The following PLCXD1 variants were observed in gnomAD, a reference collection of about 807,000 sequenced individuals.
PLCXD1 encodes phosphatidylinositol specific phospholipase C X domain containing 1.
A neutral mutation model predicts 37.8 loss-of-function variants in PLCXD1; 45 were observed. The ratio of observed to expected loss-of-function variants is 1.19; its 90% CI spans 0.94 to 1.53. The LOEUF is 1.53. Among genes scored for constraint, PLCXD1 ranks in the 40% most tolerant of loss-of-function variants. The pLI, the probability that PLCXD1 is intolerant of heterozygous loss-of-function variation, is 0.00. For missense variants in PLCXD1, 539 were observed against 454.7 expected, an observed-to-expected ratio of 1.19 and a Z score of -1.69; for synonymous variants, 246 against 206.9, an observed-to-expected ratio of 1.19 and a Z score of -1.62.
rs1371569543 is a variant in PLCXD1 at position 291,684 on chromosome X, C to T, written c.549+30C>T. Reference sequence around the variant, plus strand: ...GGAGGGGAAGGATATCCGCACGTCTCTCCCGGGGCAGGGGCATCGTCAGCC... The same window carrying T: ...GGAGGGGAAGGATATCCGCACGTCTTTCCCGGGGCAGGGGCATCGTCAGCC... On this transcript the variant is annotated intron_variant, in intron 5 of 6. Coordinates refer to ENST00000381657, the MANE Select transcript of PLCXD1 (RefSeq NM_018390.4). 3.1e-6 allele frequency: 5 copies of T among 1,609,222 alleles called. No homozygotes were observed. In the South Asian group the frequency reaches 4.4e-5, roughly 14 times the overall value.
rs749075572 is a variant in PLCXD1, at chrX:299,331, G to A, written c.968G>A (p.Cys323Tyr). 3.0e-5 allele frequency: 48 copies of A among 1,609,400 alleles called. No homozygotes were observed. The highest frequency in any genetic ancestry group is 4.1e-5 in the Non-Finnish European group (48 of 1,175,842). ...VIALNQKLLW[C>Y] is the part of the protein sequence containing the mutation. ...GCGCTCAATCAGAAGCTGCTGTGGT[G>A]CTGACGGGACCCTTCTGAAGTTCGG... Residue 323 changes from cysteine (C) to tyrosine (Y), a missense_variant, in exon 7 of 7, where the codon TGC (cysteine) becomes TAC (tyrosine). Transcript: ENST00000381657.
intron 6 of PLCXD1, among the ~76,000 whole-genome samples, chrX:293,551 G>A (rs1165645578): frequency 6.6e-6 from 1 of 152,184 alleles, no homozygotes; most frequent in Non-Finnish European, 1.5e-5. Flanking sequence ...CCTGAGGTCG[G>A]GAGTTCGAGA....
chrX:293,607 C>G (rs1013464898), intron 6 of PLCXD1, among the ~76,000 whole-genome samples: 11 of 152,196 alleles, frequency 7.2e-5, no homozygotes, highest in Admixed American at 7.2e-4. Flanking sequence ...TTAAGAAGCA[C>G]CCAGGGAGAA....
rs1213920585 is a variant in PLCXD1 at position 303,234 on chromosome X, A to C, written c.*3899A>C. On this transcript the variant is annotated 3_prime_UTR_variant, in exon 7 of 7. Transcript: ENST00000381657. ...GGCTCGGGCAGGCCCCGCGGAGATG[A>C]AGAATTTGCAGGGAGCCTCCCTGAC... 1.3e-5 allele frequency: 2 copies of C among 152,188 alleles called. No individual in the cohort carries two copies. Among genetic ancestry groups the C allele is most frequent in the Admixed American group, 1.3e-4 (2 of 15,270 alleles). The allele number at this position is 152,188 out of a possible 1,614,324, so 9.4% of individuals were successfully genotyped here.
At chrX:276,953 T>C (rs1418179690), upstream of PLCXD1, among the ~76,000 whole-genome samples, 1 of 152,104 alleles carries the variant, frequency 6.6e-6, no homozygotes, top group Non-Finnish European at 1.5e-5. Flanking sequence ...TGTAGGTGTC[T>C]CACCCCGCCT....
chrX:288,676 A>G lies in PLCXD1; in HGVS notation c.128-57A>G, dbSNP rs2069530819. ...GTAGGCGGGCTGTGGAGCGACTCAC[A>G]GCAGGTGGCGGGGACGGACTCGTGG... On this transcript the variant is annotated intron_variant, in intron 2 of 6. Coordinates refer to ENST00000381657, the MANE Select transcript of PLCXD1 (RefSeq NM_018390.4). The G allele has an allele frequency of 5.0e-6, 8 of 1,597,132 alleles. No individual in the cohort carries two copies. The Middle Eastern group carries it at 5.4e-4, about 108-fold the overall frequency.
chrX:286,781 C>A (rs1310322890), intron 2 of PLCXD1, among the ~76,000 whole-genome samples: 1 of 152,090 alleles, frequency 6.6e-6, no homozygotes, highest in Admixed American at 6.6e-5. Context: ...GTGGTGGTGC[C>A]AAGGTTGTCT....
intron 6 of PLCXD1, among the ~76,000 whole-genome samples, chrX:296,244 C>T (rs2069803591): frequency 2.0e-5 from 3 of 152,134 alleles, no homozygotes; most frequent in Admixed American, 6.6e-5. Context: ...CCTCAGCCTC[C>T]CGAGTAGCTG....
upstream of PLCXD1, among the ~76,000 whole-genome samples, chrX:280,372 G>A (rs1241101636): frequency 5.8e-5 from 4 of 69,222 alleles, no homozygotes; most frequent in African/African-American, 2.3e-4. Context: ...CCGTGCAGGG[G>A]GAAGGGAGGC....
upstream of PLCXD1, among the ~76,000 whole-genome samples, chrX:279,558 A>G (rs376281559): frequency 1.6e-3 from 243 of 152,230 alleles, 2 homozygotes; most frequent in Admixed American, 2.5e-3. Flanking sequence ...GATCACCTGA[A>G]GTCAGGAGTT....
chrX:285,162 A>G (rs2069407467), intron 2 of PLCXD1, among the ~76,000 whole-genome samples: 1 of 151,520 alleles, frequency 6.6e-6, no homozygotes, highest in Non-Finnish European at 1.5e-5. Context: ...GCACATCCCC[A>G]CACATATGCA....
intron 1 of PLCXD1, among the ~76,000 whole-genome samples, chrX:282,263 TC>T (rs2124302874): frequency 6.6e-6 from 1 of 151,972 alleles, no homozygotes; most frequent in East Asian, 1.9e-4. Context: ...ACGCCTGTAA[TC>T]CCAGCTACTC....
At chrX:280,355 AGGGGG>A (rs1569564333), upstream of PLCXD1, among the ~76,000 whole-genome samples, 244 of 23,796 alleles carry the variant, frequency 0.01, 3 homozygotes, top group African/African-American at 0.011. Flanking sequence ...TGCAGGGGGA[AGGGGG>A]GCCGTGCAGG....
rs759865419 is a variant in PLCXD1 at position 293,291 on chromosome X, A to G, written c.733+73A>G. 1,160 of 1,159,346 alleles carry G rather than the reference A, an allele frequency of 1.0e-3. 6 individuals carry two copies. The African/African-American group carries it at 0.014, about 14-fold the overall frequency. The allele number at this position is 1,159,346 out of a possible 1,614,324, so 71.8% of individuals were successfully genotyped here. On this transcript the variant is annotated intron_variant, in intron 6 of 6. Coordinates refer to ENST00000381657, the MANE Select transcript of PLCXD1 (RefSeq NM_018390.4). ...ACGCCCTGCGGCAGGCCGGGTCCAC[A>G]TGGACTTGCCTTCACTTTTACGTGA... is the stretch of plus-strand genomic sequence containing the variant.
At chrX:285,113 CACACAT>C (rs1569564414) in intron 2 of PLCXD1, among the ~76,000 whole-genome samples, 2 of 123,672 alleles carry the variant, frequency 1.6e-5, no homozygotes, top group South Asian at 2.5e-4. Flanking sequence ...TACATACACA[CACACAT>C]GCATGCGCAC....
chrX:282,651 G>A (rs1366426822), intron 1 of PLCXD1, among the ~76,000 whole-genome samples: 1 of 150,444 alleles, frequency 6.6e-6, no homozygotes, highest in African/African-American at 2.4e-5. Flanking sequence ...GTTGCAGTGA[G>A]CCGCGATCGC....
Position 290,724 on chromosome X carries a change from C to T in PLCXD1, c.341C>T (p.Ser114Leu), listed in dbSNP as rs775294398. 4.8e-5 allele frequency: 78 copies of T among 1,613,558 alleles called. No individual in the cohort carries two copies. The highest frequency in any genetic ancestry group is 1.5e-4 in the South Asian group (14 of 91,066). ...DLRIAHMLEG[S>L]EKNLHFVHMV... ...CGGATAGCCCACATGCTGGAGGGCT[C>T]GGAGAAGAACCTGCACTTTGTCCAT... The change falls in exon 4 of 7, where the codon TCG (serine) becomes TTG (leucine). Residue 114 changes from serine (S) to leucine (L), a missense_variant. Ser to Leu is a moderately radical substitution (Grantham distance 145). Coordinates refer to ENST00000381657, the MANE Select transcript of PLCXD1 (RefSeq NM_018390.4).
chrX:293,270 C>A, intron 6 of PLCXD1, 52 bp downstream of exon 6: 1 of 1,443,136 alleles, frequency 6.9e-7, no homozygotes, highest in Non-Finnish European at 9.6e-7. Flanking sequence ...CCCGTGACGC[C>A]CTGCGGCAGG....
upstream of PLCXD1, chrX:281,232 C>T (rs939280527): frequency 6.5e-4 from 151 of 230,730 alleles, 1 homozygote; most frequent in Non-Finnish European, 1.1e-3. Flanking sequence ...CAGCTCCCTC[C>T]TGGGGACCCG....
Sources: allele counts gnomAD v4.1 joint callset (sites outside exome capture counted in the v4.1 genomes callset), GRCh38; gene constraint gnomAD v4.1.1; transcripts MANE v1.5; gene names NCBI Gene and HGNC (gene_info 2026-07-23, HGNC 2026-07-21).